LIMCH1: variants seen among roughly 807,000 people sequenced by gnomAD.
LIMCH1 encodes the protein LIM and calponin homology domains-containing protein 1.
LIMCH1 carries 113 observed loss-of-function variants against 176.5 expected under a neutral mutation model. The observed-to-expected ratio is 0.64, with a 90% confidence interval of 0.55 to 0.75. The LOEUF (loss-of-function observed/expected upper bound fraction) is 0.75. Among genes scored for constraint, LIMCH1 ranks in the 30% least tolerant of loss-of-function variants. The pLI is 0.00. For synonymous variants in LIMCH1, 619 were observed against 645.9 expected, an observed-to-expected ratio of 0.96 and a Z score of 0.63; for missense variants, 1,674 against 1,814.9, an observed-to-expected ratio of 0.92 and a Z score of 1.41.
At chr4:41,609,210 A>G (rs60344670) in intron 4 of LIMCH1, among the ~76,000 whole-genome samples, 2,855 of 149,314 alleles carry the variant, frequency 0.019, 69 homozygotes, top group East Asian at 0.13. Context: ...AAGAGCAACC[A>G]TCTCAATTTC....
chr4:41,449,030 A>AG (rs1182288985), intron 1 of LIMCH1, among the ~76,000 whole-genome samples: 23 of 151,806 alleles, frequency 1.5e-4, no homozygotes, highest in Non-Finnish European at 2.2e-4. Context: ...AAAAAAAAAA[A>AG]GCTGGTATTT....
intron 3 of LIMCH1, among the ~76,000 whole-genome samples, chr4:41,605,276 GATTAATGGGAATCTAACT>G (rs1275169474): frequency 6.6e-6 from 1 of 152,130 alleles, no homozygotes; most frequent in East Asian, 1.9e-4. Context: ...TCCCATCTCA[GATTAATGGGAATCTAACT>G]ATACCCCAAA....
At chr4:41,644,467 G>A in intron 14 of LIMCH1, 33 bp from the exon 15 acceptor site, 1 of 1,460,444 alleles carries the variant, frequency 6.8e-7, no homozygotes, top group Non-Finnish European at 9.1e-7. Context: ...CGCTGATCGC[G>A]GTCCCTCTTG....
intron 23 of LIMCH1, among the ~76,000 whole-genome samples, chr4:41,676,889 G>C (rs1255692852): frequency 6.6e-6 from 1 of 152,080 alleles, no homozygotes; most frequent in African/African-American, 2.4e-5. Context: ...AGGGCTGGGC[G>C]TGGTGGCTCA....
intron 2 of LIMCH1, among the ~76,000 whole-genome samples, chr4:41,510,976 G>A (rs1305653482): frequency 1.3e-5 from 2 of 152,184 alleles, no homozygotes; most frequent in African/African-American, 2.4e-5. Context: ...AAGAAAAAGT[G>A]AAGACTGTAT....
intron 1 of LIMCH1, among the ~76,000 whole-genome samples, chr4:41,545,188 T>C (rs559248259): frequency 1.3e-5 from 2 of 152,318 alleles, no homozygotes; most frequent in Non-Finnish European, 2.9e-5. Flanking sequence ...TTAGCAAAAA[T>C]GAAATATTTT....
At chr4:41,430,982 C>T (rs1414143593) in intron 1 of LIMCH1, among the ~76,000 whole-genome samples, 1 of 152,064 alleles carries the variant, frequency 6.6e-6, no homozygotes, top group Non-Finnish European at 1.5e-5. Flanking sequence ...GCACAATGCA[C>T]AAGCAAGTTT....
At chr4:41,402,230 C>T (rs546334643) in intron 1 of LIMCH1, among the ~76,000 whole-genome samples, 1,547 of 152,194 alleles carry the variant, frequency 0.01, 17 homozygotes, top group Non-Finnish European at 0.015. Context: ...GAAAAATGCT[C>T]ATCATCACTG....
upstream of LIMCH1, among the ~76,000 whole-genome samples, chr4:41,360,389 C>T (rs977852264): frequency 1.3e-5 from 2 of 152,128 alleles, no homozygotes; most frequent in Admixed American, 6.5e-5. The surrounding 1 kb of genome is among the most constrained non-coding windows in gnomAD (Gnocchi z 4.5). Flanking sequence ...GCGCGCGTCT[C>T]CCATATGATG....
chr4:41,532,586 A>G (rs2077447613), intron 3 of LIMCH1, among the ~76,000 whole-genome samples: 1 of 152,212 alleles, frequency 6.6e-6, no homozygotes, highest in African/African-American at 2.4e-5. Flanking sequence ...GTCAGATGGC[A>G]AGAGCCATTC....
chr4:41,560,018 T>C (rs2081860030), intron 1 of LIMCH1, among the ~76,000 whole-genome samples: 1 of 152,190 alleles, frequency 6.6e-6, no homozygotes, highest in African/African-American at 2.4e-5. Flanking sequence ...TAGACTTCTT[T>C]TCCTGTGTTC....
chr4:41,502,735 A>G (rs528748647), intron 2 of LIMCH1, among the ~76,000 whole-genome samples: 1 of 152,108 alleles, frequency 6.6e-6, no homozygotes, highest in South Asian at 2.1e-4. Flanking sequence ...AGATGTGTCA[A>G]AATGAGTTAG....
At chr4:41,583,554 C>G (rs1421891641) in intron 1 of LIMCH1, among the ~76,000 whole-genome samples, 1 of 152,026 alleles carries the variant, frequency 6.6e-6, no homozygotes, top group African/African-American at 2.4e-5. Context: ...TTTGAATATA[C>G]TTTTTTTTCA....
At chr4:41,403,452 G>A (rs993466635) in intron 1 of LIMCH1, among the ~76,000 whole-genome samples, 14 of 152,004 alleles carry the variant, frequency 9.2e-5, no homozygotes, top group African/African-American at 1.7e-4. Flanking sequence ...GTGGTGGCGC[G>A]TGTCTGTAAT....
intron 1 of LIMCH1, among the ~76,000 whole-genome samples, chr4:41,408,970 A>G (rs1241290454): frequency 6.6e-6 from 1 of 152,212 alleles, no homozygotes; most frequent in African/African-American, 2.4e-5. Flanking sequence ...GTAGGAATCA[A>G]TGACACAGAA....
intron 2 of LIMCH1, 98 bp downstream of exon 2, chr4:41,599,124 T>G: frequency 1.5e-6 from 1 of 676,648 alleles, no homozygotes; most frequent in Non-Finnish European, 2.6e-6. Flanking sequence ...GAGAATTGGT[T>G]ATGCTTAATA....
intron 14 of LIMCH1, among the ~76,000 whole-genome samples, chr4:41,643,977 ATT>A (rs1301765879): frequency 6.6e-6 from 1 of 152,138 alleles, no homozygotes; most frequent in East Asian, 1.9e-4. Flanking sequence ...GCCAAATGAT[ATT>A]TTTTTGGAAA....
At chr4:41,620,814 T>G in intron 7 of LIMCH1, 124 bp downstream of exon 7, 1 of 1,064,250 alleles carries the variant, frequency 9.4e-7, no homozygotes, top group Non-Finnish European at 1.3e-6. Flanking sequence ...TGCATCACTG[T>G]TCCCTGCTCT....
At chr4:41,524,923 A>G (rs2076473880) in intron 3 of LIMCH1, among the ~76,000 whole-genome samples, 1 of 152,238 alleles carries the variant, frequency 6.6e-6, no homozygotes, top group Non-Finnish European at 1.5e-5. Flanking sequence ...TTGGGTTGAA[A>G]TACCACAATT....
Sources: allele counts gnomAD v4.1 joint callset (sites outside exome capture counted in the v4.1 genomes callset), GRCh38; gene constraint gnomAD v4.1.1; non-coding constraint Gnocchi (gnomAD v3.1); transcripts MANE v1.5; gene names NCBI Gene and HGNC (gene_info 2026-07-23, HGNC 2026-07-21).